SCN2A: variants seen among roughly 807,000 people sequenced by gnomAD.
SCN2A encodes the protein sodium channel protein type 2 subunit alpha.
In SCN2A, 20 loss-of-function variants were observed where a neutral mutation model predicts 188.7. That is an observed-to-expected ratio of 0.11 (90% confidence interval 0.07 to 0.15). The LOEUF is 0.15. Among genes scored for constraint, SCN2A ranks in the 10% least tolerant of loss-of-function variants. The pLI is 1.00. For missense variants in SCN2A, 1,278 were observed against 2,445.0 expected (o/e 0.52, Z 10.07); for synonymous variants, 804 against 833.1 (o/e 0.97, Z 0.60).
intron 11 of SCN2A, among the ~76,000 whole-genome samples, chr2:165,319,477 A>G (rs1455392483): frequency 2.0e-5 from 3 of 152,258 alleles, no homozygotes; most frequent in South Asian, 2.1e-4. Context: ...TTAGCTGGAA[A>G]GAAAATAAAA....
chr2:165,342,815 C>T (rs1291184538), intron 15 of SCN2A, among the ~76,000 whole-genome samples: 1 of 152,152 alleles, frequency 6.6e-6, no homozygotes, highest in East Asian at 1.9e-4. Context: ...TTCCTTGGGA[C>T]CTAGGATGAG....
intron 17 of SCN2A, among the ~76,000 whole-genome samples, chr2:165,358,236 TAA>T (rs572059018): frequency 6.6e-6 from 1 of 151,994 alleles, no homozygotes; most frequent in Non-Finnish European, 1.5e-5. Context: ...CCTCTGTCTT[TAA>T]AAAAAAGATA....
intron 1 of SCN2A, among the ~76,000 whole-genome samples, chr2:165,291,283 A>G (rs1696097594): frequency 2.0e-5 from 3 of 150,934 alleles, no homozygotes. Context: ...GCCTCAAGCA[A>G]TCTGCCTGCT....
intron 1 of SCN2A, among the ~76,000 whole-genome samples, chr2:165,289,416 A>G (rs895793846): frequency 2.6e-5 from 4 of 152,098 alleles, no homozygotes; most frequent in African/African-American, 9.6e-5. Context: ...AATTCTTAAG[A>G]TTTTTTATTT....
chr2:165,321,876 AT>A (rs762412784), intron 11 of SCN2A, among the ~76,000 whole-genome samples: 5 of 152,208 alleles, frequency 3.3e-5, no homozygotes, highest in Non-Finnish European at 5.9e-5. Flanking sequence ...GTATAAAATA[AT>A]GGTTTTAGTT....
chr2:165,302,859 T>A (rs1452622754), intron 3 of SCN2A, among the ~76,000 whole-genome samples: 1 of 152,184 alleles, frequency 6.6e-6, no homozygotes, highest in Non-Finnish European at 1.5e-5. Context: ...TGAAGAAGTG[T>A]TTCTTCATAA....
intron 1 of SCN2A, among the ~76,000 whole-genome samples, chr2:165,256,259 C>T (rs761553947): frequency 6.6e-6 from 1 of 152,048 alleles, no homozygotes; most frequent in Non-Finnish European, 1.5e-5. Flanking sequence ...CCCACCTCGG[C>T]CTCCCAAAGT....
chr2:165,275,328 A>C (rs752716649), intron 1 of SCN2A, among the ~76,000 whole-genome samples: 38 of 152,086 alleles, frequency 2.5e-4, no homozygotes, highest in Non-Finnish European at 5.1e-4. Context: ...TAAAATTGCA[A>C]TACATCCTTC....
chr2:165,380,993 T>C, intron 24 of SCN2A, 100 bp from the exon 25 acceptor site: 1 of 813,436 alleles, frequency 1.2e-6, no homozygotes, highest in South Asian at 1.6e-5. Flanking sequence ...TTAGTAACAA[T>C]AGAATGAAAT....
intron 3 of SCN2A, among the ~76,000 whole-genome samples, chr2:165,307,363 A>G (rs562387345): frequency 1.3e-5 from 2 of 152,232 alleles, no homozygotes; most frequent in Admixed American, 6.5e-5. Context: ...TCAGGATTTT[A>G]TGAGCAATTA....
intron 1 of SCN2A, chr2:165,269,421 T>C (rs1695010695): frequency 6.6e-6 from 1 of 152,060 alleles, no homozygotes; most frequent in African/African-American, 2.4e-5. Context: ...ACATTCAGGT[T>C]GCCATAGTCC....
intron 1 of SCN2A, among the ~76,000 whole-genome samples, chr2:165,256,145 A>G (rs1650356894): frequency 6.6e-6 from 1 of 151,516 alleles, no homozygotes; most frequent in East Asian, 1.9e-4. Context: ...AGCTGGGACT[A>G]CAGGCACCTG....
intron 12 of SCN2A, among the ~76,000 whole-genome samples, chr2:165,325,685 A>G (rs1315117108): frequency 2.0e-5 from 3 of 152,104 alleles, no homozygotes; most frequent in Admixed American, 2.0e-4. Flanking sequence ...TTTAAATTCT[A>G]AGAGGCACCC....
Position 165,389,604 on chromosome 2 carries a change from A to G in SCN2A, c.5798A>G (p.Lys1933Arg). 6.2e-7 allele frequency: 1 copy of G among 1,614,032 alleles called. No individual in the cohort carries two copies. Among genetic ancestry groups the G allele is most frequent in the Non-Finnish European group, 8.5e-7 (1 of 1,179,970 alleles). ...GTTAAAAAGGTATCAAGTATATACA[A>G]GAAAGACAAAGGCAAAGAATGTGAT... ...QKVKKVSSIY[K>R]KDKGKECDGT... Residue 1933 changes from lysine (K) to arginine (R), a missense_variant, in exon 27 of 27, where the codon AAG becomes AGG. By Grantham distance (26) the Lys-to-Arg change is conservative. Coordinates refer to ENST00000375437, the MANE Select transcript of SCN2A (RefSeq NM_001040142.2). This position sits in a 1 kb window ranked among gnomAD's most constrained non-coding sequence, Gnocchi z 4.2.
At chr2:165,288,030 T>C (rs1220318562) in intron 1 of SCN2A, among the ~76,000 whole-genome samples, 1 of 152,210 alleles carries the variant, frequency 6.6e-6, no homozygotes, top group Non-Finnish European at 1.5e-5. Context: ...ATTCCTTAAC[T>C]CTCCCTCATT....
intron 1 of SCN2A, among the ~76,000 whole-genome samples, chr2:165,243,314 A>G (rs1693700346): frequency 6.6e-6 from 1 of 152,036 alleles, no homozygotes; most frequent in South Asian, 2.1e-4. Context: ...GAGAGAGTCA[A>G]TGTCATGGCC....
intron 20 of SCN2A, chr2:165,372,408 ATATT>A (rs891115409): frequency 6.6e-6 from 1 of 152,044 alleles, no homozygotes; most frequent in African/African-American, 2.4e-5. Flanking sequence ...GCTGTATTGC[ATATT>A]TATTTTTATT....
chr2:165,345,010 G>T, intron 16 of SCN2A, 99 bp downstream of exon 16: 2 of 1,450,484 alleles, frequency 1.4e-6, no homozygotes, highest in Non-Finnish European at 9.6e-7. Flanking sequence ...TTAAATCAAG[G>T]CCACTTCCTA....
At chr2:165,333,687 T>TA (rs1698822690) in intron 14 of SCN2A, among the ~76,000 whole-genome samples, 1 of 151,742 alleles carries the variant, frequency 6.6e-6, no homozygotes, top group East Asian at 1.9e-4. Flanking sequence ...ATGTCTATAG[T>TA]AAAATAGGAG....
Sources: gnomAD v4.1 joint callset for allele counts (sites outside exome capture counted in the v4.1 genomes callset) on GRCh38, gnomAD v4.1.1 for gene constraint, Gnocchi (gnomAD v3.1) non-coding constraint, MANE v1.5 for transcripts, NCBI Gene and HGNC (gene_info 2026-07-23, HGNC 2026-07-21) for gene names.